ST18: variants seen among roughly 807,000 people sequenced by gnomAD.
ST18 encodes the protein suppression of tumorigenicity 18 protein.
Under a neutral mutation model 110.0 loss-of-function variants are expected in ST18, and 50 were observed. The observed-to-expected ratio is 0.45, with a 90% CI of 0.36 to 0.58. The LOEUF is 0.58. ST18 is among the 20% of genes least tolerant of loss of function. The probability of loss-of-function intolerance (pLI) is 0.00; values close to 1 mark genes in which losing one functional copy is unlikely to be tolerated. For synonymous variants in ST18, 461 were observed against 452.4 expected, an observed-to-expected ratio of 1.02 and a Z score of -0.24; for missense variants, 1,306 against 1,280.1, an observed-to-expected ratio of 1.02 and a Z score of -0.31.
chr8:52,255,492 C>A (rs1237731197), intron 2 of ST18, among the ~76,000 whole-genome samples: 1 of 152,170 alleles, frequency 6.6e-6, no homozygotes, highest in East Asian at 1.9e-4. Flanking sequence ...GAGTGAAAAA[C>A]CTTGTCTCCA....
In ST18 at chr8:52,195,053, C is replaced by A. The variant is rs145729720; in HGVS notation, c.87-14741G>T. ...AAATCATTTGGGCACTCCCAAACTCCTTTTAAGTGCCCAGAGATTGACAGA... is the reference window on the plus strand; with the variant it reads ...AAATCATTTGGGCACTCCCAAACTCATTTTAAGTGCCCAGAGATTGACAGA... On this transcript the variant is annotated intron_variant, in intron 8 of 25. Transcript: ENST00000689386. Among the ~76,000 whole-genome samples, 385 of 152,302 alleles carry A rather than the reference C, an allele frequency of 2.5e-3. 3 individuals are homozygous for A. Among genetic ancestry groups the A allele is most frequent in the Middle Eastern group, 6.8e-3 (2 of 294 alleles).
intron 22 of ST18, among the ~76,000 whole-genome samples, chr8:52,130,094 AAAAG>A (rs148509276): frequency 0.15 from 16,587 of 107,812 alleles, 1,433 homozygotes; most frequent in African/African-American, 0.18. Flanking sequence ...GAAAGAAAGA[AAAAG>A]AAAGAAAGAA....
chr8:52,213,052 C>G (rs2082784694), intron 7 of ST18, among the ~76,000 whole-genome samples: 1 of 152,034 alleles, frequency 6.6e-6, no homozygotes, highest in South Asian at 2.1e-4. Flanking sequence ...CGTAAAAAAG[C>G]TATTGTTTAG....
At chr8:52,267,785 C>G (rs905001653) in intron 2 of ST18, among the ~76,000 whole-genome samples, 2 of 152,196 alleles carry the variant, frequency 1.3e-5, no homozygotes, top group African/African-American at 4.8e-5. Flanking sequence ...CACGGAGAGC[C>G]CATGGCTGCC....
intron 2 of ST18, among the ~76,000 whole-genome samples, chr8:52,251,543 G>C (rs767461577): frequency 6.6e-6 from 1 of 151,876 alleles, no homozygotes; most frequent in Admixed American, 6.6e-5. Context: ...GGAATGATTG[G>C]TTATTGTCAT....
At chr8:52,357,198 A>T (rs1823135557) in intron 2 of ST18, among the ~76,000 whole-genome samples, 1 of 152,142 alleles carries the variant, frequency 6.6e-6, no homozygotes, top group African/African-American at 2.4e-5. Flanking sequence ...CCCCTCAAGC[A>T]TTTATCCTTT....
chr8:52,224,014 C>T (rs1445233677), intron 3 of ST18, among the ~76,000 whole-genome samples: 2 of 152,086 alleles, frequency 1.3e-5, no homozygotes, highest in African/African-American at 4.8e-5. Context: ...GAACCTATCT[C>T]CACAATTTAC....
intron 2 of ST18, among the ~76,000 whole-genome samples, chr8:52,267,483 T>TAA (rs57769643): frequency 0.1 from 11,898 of 114,746 alleles, 692 homozygotes; most frequent in Middle Eastern, 0.17. Flanking sequence ...AGAGATAAGC[T>TAA]AAAAAAAAAA....
chr8:52,270,010 C>CG (rs1432794185), intron 2 of ST18, among the ~76,000 whole-genome samples: 13 of 150,030 alleles, frequency 8.7e-5, no homozygotes, highest in African/African-American at 3.3e-4. Flanking sequence ...CATTTTTTCC[C>CG]CCGTAACTGA....
intron 17 of ST18, among the ~76,000 whole-genome samples, chr8:52,141,617 A>C (rs991049444): frequency 1.3e-5 from 2 of 149,790 alleles, no homozygotes; most frequent in Non-Finnish European, 2.9e-5. Context: ...GGGGAAGCAC[A>C]GTAGCCTGAA....
At chr8:52,392,660 A>G (rs1839699098) in intron 2 of ST18, among the ~76,000 whole-genome samples, 1 of 152,154 alleles carries the variant, frequency 6.6e-6, no homozygotes, top group African/African-American at 2.4e-5. Flanking sequence ...CGGAAAGTAC[A>G]CTCCACAGAG....
chr8:52,384,377 C>T (rs548538696), intron 2 of ST18, among the ~76,000 whole-genome samples: 19 of 152,200 alleles, frequency 1.2e-4, no homozygotes, highest in African/African-American at 4.6e-4. Flanking sequence ...CAATCCAGCT[C>T]CAAACTCTTC....
chr8:52,159,035 G>A lies in ST18; in HGVS notation c.1669C>T (p.Arg557Cys), dbSNP rs749246680. The A allele has an allele frequency of 4.5e-5, 73 of 1,614,056 alleles. No homozygotes were observed. The Admixed American group carries it at 8.7e-4, about 19-fold the overall frequency. Residue 557 changes from arginine to cysteine, a missense_variant, in exon 15 of 26, where the codon CGT becomes TGT. Physicochemically the swap from Arg to Cys is radical, Grantham distance 180 (BLOSUM62 -3). Transcript: ENST00000689386. ...SAGAHTQSPG[R>C]ASSYSYGQCS... Reference sequence around the variant, plus strand: ...TGACCGTAGCTATAAGAGCTGGCACGGCCAGGGCTCTGGGTGTGGGCGCCT... The same window carrying A: ...TGACCGTAGCTATAAGAGCTGGCACAGCCAGGGCTCTGGGTGTGGGCGCCT...
intron 23 of ST18, among the ~76,000 whole-genome samples, chr8:52,120,943 C>T (rs1563502231): frequency 6.6e-6 from 1 of 151,964 alleles, no homozygotes; most frequent in Non-Finnish European, 1.5e-5. Flanking sequence ...GAGGAATCGA[C>T]GGAGAAGAGA....
intron 2 of ST18, among the ~76,000 whole-genome samples, chr8:52,331,245 G>T (rs1241475155): frequency 6.6e-6 from 1 of 151,990 alleles, no homozygotes; most frequent in Non-Finnish European, 1.5e-5. Flanking sequence ...TGTGATAATA[G>T]ATGTAAACAA....
chr8:52,209,685 A>G (rs2081389595), intron 8 of ST18, among the ~76,000 whole-genome samples: 1 of 149,292 alleles, frequency 6.7e-6, no homozygotes, highest in African/African-American at 2.5e-5. Context: ...CAAGAGAATC[A>G]CTTGAACCCA....
In ST18 at chr8:52,142,919, G is replaced by A. The variant is rs1026654858; in HGVS notation, c.2168+11C>T. 3.2e-6 allele frequency: 5 copies of A among 1,577,914 alleles called. No homozygotes were observed. In the African/African-American group the frequency reaches 6.8e-5, roughly 21 times the overall value. On this transcript the variant is annotated intron_variant, in intron 17 of 25. Transcript: ENST00000689386. ...AGAATCTTAGAGGGCATGGCATTGG[G>A]CACCACTTACGTGATTAGTTCCTTT... is the stretch of plus-strand genomic sequence containing the variant.
chr8:52,181,869 T>C (rs2069756598), intron 8 of ST18, among the ~76,000 whole-genome samples: 1 of 152,060 alleles, frequency 6.6e-6, no homozygotes, highest in African/African-American at 2.4e-5. Flanking sequence ...CAAAGGAGAC[T>C]GGCTTTGAGG....
At chr8:52,168,090 G>C (rs1170404258) in intron 10 of ST18, among the ~76,000 whole-genome samples, 3 of 151,472 alleles carry the variant, frequency 2.0e-5, no homozygotes, top group Non-Finnish European at 2.9e-5. Flanking sequence ...CCTAACTTGT[G>C]CTGGGAATAA....
Sources: gnomAD v4.1 joint callset for allele counts (sites outside exome capture counted in the v4.1 genomes callset) on GRCh38, gnomAD v4.1.1 for gene constraint, MANE v1.5 for transcripts, NCBI Gene and HGNC (gene_info 2026-07-23, HGNC 2026-07-21) for gene names.